The following FREM2 variants were observed in gnomAD, a reference collection of about 807,000 sequenced individuals.
FREM2 encodes FRAS1-related extracellular matrix protein 2.
FREM2 carries 119 observed loss-of-function variants against 219.9 expected under a neutral mutation model. The observed-to-expected ratio is 0.54, with a 90% confidence interval of 0.47 to 0.63. FREM2 has a LOEUF of 0.63. Ranked by LOEUF, FREM2 falls within the 30% of genes least tolerant of loss-of-function variation. FREM2 has a pLI of 0.00. For missense variants in FREM2, 4,030 were observed against 3,993.6 expected (o/e 1.01, Z -0.25); for synonymous variants, 1,562 against 1,522.8 (o/e 1.03, Z -0.60).
At chr13:38,825,967 A>T (rs1362513908) in intron 6 of FREM2, among the ~76,000 whole-genome samples, 1 of 152,168 alleles carries the variant, frequency 6.6e-6, no homozygotes, top group Non-Finnish European at 1.5e-5. Flanking sequence ...CCAAAATGTT[A>T]TCTGATATAA....
At chr13:38,722,640 A>G (rs1593365890) in intron 2 of FREM2, among the ~76,000 whole-genome samples, 1 of 152,126 alleles carries the variant, frequency 6.6e-6, no homozygotes, top group East Asian at 1.9e-4. Flanking sequence ...GATGGGATTC[A>G]GGCAATGACA....
intron 4 of FREM2, among the ~76,000 whole-genome samples, chr13:38,771,249 A>G (rs1873650089): frequency 6.6e-6 from 1 of 152,226 alleles, no homozygotes; most frequent in Non-Finnish European, 1.5e-5. Context: ...TTGTATCTGC[A>G]TTATCCAGAG....
chr13:38,823,288 C>T (rs773449190), intron 6 of FREM2, among the ~76,000 whole-genome samples: 9 of 152,134 alleles, frequency 5.9e-5, no homozygotes, highest in South Asian at 2.1e-4. Flanking sequence ...CTAGCTAGGC[C>T]GCCTGCTTCC....
chr13:38,716,869 G>A (rs1871024443), intron 2 of FREM2, among the ~76,000 whole-genome samples: 1 of 152,186 alleles, frequency 6.6e-6, no homozygotes, highest in Non-Finnish European at 1.5e-5. Flanking sequence ...ACATACATAT[G>A]TATGTGTACA....
intron 6 of FREM2, among the ~76,000 whole-genome samples, chr13:38,813,561 C>A (rs61947961): frequency 0.19 from 938 of 5,004 alleles, 41 homozygotes; most frequent in African/African-American, 0.25. Flanking sequence ...CTCTCTCTCT[C>A]TCTATATATA....
At chr13:38,846,796 C>A in intron 7 of FREM2, 74 bp downstream of exon 7, 1 of 1,494,422 alleles carries the variant, frequency 6.7e-7, no homozygotes, top group South Asian at 1.1e-5. Context: ...TTATTTAAAG[C>A]TGAAATACTT....
intron 2 of FREM2, among the ~76,000 whole-genome samples, chr13:38,728,865 C>T (rs542321790): frequency 5.3e-5 from 8 of 152,162 alleles, no homozygotes; most frequent in African/African-American, 1.9e-4. Context: ...GATGGAGTTT[C>T]GCTCCTGTTG....
rs1268385939 is a variant in FREM2 at position 38,878,301 on chromosome 13, T to A, written c.8839T>A (p.Leu2947Ile). 1 of 1,613,158 alleles carries A rather than the reference T, an allele frequency of 6.2e-7. No individual in the cohort carries two copies. Among genetic ancestry groups the A allele is most frequent in the South Asian group, 1.1e-5 (1 of 91,046 alleles). ...CTGCTTAGCCGACTCTCCTTCACTC[T>A]TATATAGATTTAAAATTGTGGTAAG... ...YGCLADSPSL[L>I]YRFKIVDKAQ... The change falls in exon 22 of 24, where the codon TTA becomes ATA. Residue 2947 changes from leucine (L) to isoleucine (I), a missense_variant. By Grantham distance (5) the Leu-to-Ile change is conservative. This residue lies in a region of FREM2 where 928 missense variants were observed against 1,042.9 expected (regional missense o/e 0.89). Coordinates refer to ENST00000280481, the MANE Select transcript of FREM2 (RefSeq NM_207361.6).
intron 2 of FREM2, among the ~76,000 whole-genome samples, chr13:38,713,381 A>G (rs1870859174): frequency 6.6e-6 from 1 of 152,200 alleles, no homozygotes; most frequent in South Asian, 2.1e-4. Context: ...GACAAGGACT[A>G]TATGGCACAA....
chr13:38,762,661 A>G (rs889410559), intron 2 of FREM2, among the ~76,000 whole-genome samples: 2 of 150,880 alleles, frequency 1.3e-5, no homozygotes, highest in African/African-American at 2.4e-5. Flanking sequence ...CTGGGCTTGA[A>G]CTCCCGACCT....
rs1055833516 is a variant in FREM2, at chr13:38,771,738, A to G, written c.5641+1930A>G. 4.6e-5 allele frequency among the ~76,000 whole-genome samples: 7 copies of G among 152,336 alleles called. No individual in the cohort carries two copies. The South Asian group carries it at 8.3e-4, about 18-fold the overall frequency. Reference sequence around the variant, plus strand: ...TCCTTGGATAACTGATAAGTCTTCCATAATGCTTGGTATGCTCTGTGCCTT... The same window carrying G: ...TCCTTGGATAACTGATAAGTCTTCCGTAATGCTTGGTATGCTCTGTGCCTT... On this transcript the variant is annotated intron_variant, in intron 4 of 23. Transcript: ENST00000280481.
In FREM2 at chr13:38,869,131, A is replaced by G. The variant is rs76677274; in HGVS notation, c.7984-3611A>G. 7.2e-5 allele frequency among the ~76,000 whole-genome samples: 11 copies of G among 152,346 alleles called. No individual in the cohort carries two copies. In the East Asian group the frequency reaches 2.1e-3, roughly 29 times the overall value. On this transcript the variant is annotated intron_variant, in intron 16 of 23. Transcript: ENST00000280481. ...TCAACTGGCAATTGCTTTTGCTAGGAACAACATGATAGAGAATTGATTTTT... is the reference window on the plus strand; with the variant it reads ...TCAACTGGCAATTGCTTTTGCTAGGGACAACATGATAGAGAATTGATTTTT...
Position 38,687,851 on chromosome 13 carries a change from A to G in FREM2, c.507A>G (p.Val169=), listed in dbSNP as rs755303787. 18 of 1,565,362 alleles carry G rather than the reference A, an allele frequency of 1.1e-5. No homozygotes were observed. The highest frequency in any genetic ancestry group is 2.4e-5 in the South Asian group (2 of 84,090). ...GAGGGGCAGTAGTGCTACCACTGGT[A>G]CTGGAGGTGGAGGTGGTCTTCACCC... The part of the protein sequence containing the change: ...APGGAVVLPL[V]LEVEVVFTQL... The change falls in exon 1 of 24, where the codon GTA becomes GTG. Residue 169 remains valine (V), a synonymous_variant. Transcript: ENST00000280481.
In FREM2 at chr13:38,749,048, G is replaced by A. The variant is rs147706109; in HGVS notation, c.5264-15256G>A. Among the ~76,000 whole-genome samples, 317 of 152,302 alleles carry A rather than the reference G, an allele frequency of 2.1e-3. 1 individual carries two copies. The highest frequency in any genetic ancestry group is 7.3e-3 in the African/African-American group (304 of 41,564). The stretch of plus-strand genomic sequence containing the variant: ...CAGTGCCCAGTCTTGTCTATCTGCA[G>A]TGACCTTAGGAAGCCTTTCTATTTT... On this transcript the variant is annotated intron_variant, in intron 2 of 23. Transcript: ENST00000280481.
At chr13:38,864,210 T>C (rs1877865245) in intron 15 of FREM2, 65 bp from the exon 16 acceptor site, 1 of 1,255,586 alleles carries the variant, frequency 8.0e-7, no homozygotes, top group Admixed American at 1.7e-5. Flanking sequence ...GATAAAGAAG[T>C]TTTAAAGTGT....
Position 38,784,727 on chromosome 13 carries a change from C to CT in FREM2, c.5940dup (p.Leu1981SerfsTer23). The CT allele has an allele frequency of 6.2e-7, 1 of 1,614,098 alleles. No individual in the cohort carries two copies. The highest frequency in any genetic ancestry group is 8.5e-7 in the Non-Finnish European group (1 of 1,179,996). On this transcript the variant is annotated frameshift_variant, in exon 6 of 24. Coordinates refer to ENST00000280481, the MANE Select transcript of FREM2 (RefSeq NM_207361.6). LOFTEE classifies it high-confidence loss of function. ...CGAGGAGGAGGAAACCTTCCATGTC[C>CT]TTCTGAGCATGCCCATGGGGGGAAG...
intron 6 of FREM2, among the ~76,000 whole-genome samples, chr13:38,796,055 A>G (rs1874765031): frequency 6.6e-6 from 1 of 151,252 alleles, no homozygotes. Context: ...AGATGTTGGG[A>G]AGCTCATAGA....
At chr13:38,774,945 G>A (rs1436570624) in intron 4 of FREM2, among the ~76,000 whole-genome samples, 1 of 152,122 alleles carries the variant, frequency 6.6e-6, no homozygotes. Flanking sequence ...CCAAAATATG[G>A]CCAGGAACCA....
chr13:38,766,906 G>A (rs183724718), intron 3 of FREM2, among the ~76,000 whole-genome samples: 1 of 152,030 alleles, frequency 6.6e-6, no homozygotes, highest in East Asian at 1.9e-4. Flanking sequence ...ACATACCAGG[G>A]GCTGTGTTAG....
Sources: gnomAD v4.1 joint callset for allele counts (sites outside exome capture counted in the v4.1 genomes callset) on GRCh38, gnomAD v4.1.1 for gene constraint, gnomAD v4.1.1 regional missense constraint, MANE v1.5 for transcripts, NCBI Gene and HGNC (gene_info 2026-07-23, HGNC 2026-07-21) for gene names.